GAN: variants seen among roughly 807,000 people sequenced by gnomAD.
GAN encodes the protein epididymis secretory sperm binding protein.
GAN carries 48 observed loss-of-function variants against 71.3 expected under a neutral mutation model. The observed-to-expected ratio is 0.67, with a 90% confidence interval of 0.53 to 0.86. The LOEUF (loss-of-function observed/expected upper bound fraction) is 0.86. GAN is among the 40% of genes least tolerant of loss of function. The probability of loss-of-function intolerance (pLI) is 0.00; values close to 1 mark genes in which losing one functional copy is unlikely to be tolerated. For missense variants in GAN, 928 were observed against 770.1 expected, an observed-to-expected ratio of 1.21 and a Z score of -2.43; for synonymous variants, 386 against 276.8, an observed-to-expected ratio of 1.39 and a Z score of -3.92.
chr16:81,363,525 T>G (rs1316399759), intron 6 of GAN, among the ~76,000 whole-genome samples: 1 of 152,198 alleles, frequency 6.6e-6, no homozygotes, highest in African/African-American at 2.4e-5. Context: ...TATTTTAGAC[T>G]CGGGGATACA....
At chr16:81,320,653 T>C (rs1470789898) in intron 1 of GAN, among the ~76,000 whole-genome samples, 1 of 152,260 alleles carries the variant, frequency 6.6e-6, no homozygotes, top group East Asian at 1.9e-4. Context: ...GTGAAGTTTC[T>C]TAGTGCTCAG....
intron 9 of GAN, among the ~76,000 whole-genome samples, chr16:81,369,772 C>T (rs1031315602): frequency 2.6e-5 from 4 of 151,518 alleles, no homozygotes; most frequent in African/African-American, 9.7e-5. Context: ...TTAGTAGAGG[C>T]AGGGTTTCAC....
intron 1 of GAN, among the ~76,000 whole-genome samples, chr16:81,332,331 T>C (rs574620650): frequency 3.9e-5 from 6 of 152,296 alleles, no homozygotes; most frequent in African/African-American, 1.2e-4. Context: ...TTTCAGCAAC[T>C]GGGCTTGTGG....
At chr16:81,372,622 A>G (rs1911072314) in intron 9 of GAN, among the ~76,000 whole-genome samples, 1 of 152,190 alleles carries the variant, frequency 6.6e-6, no homozygotes, top group Admixed American at 6.5e-5. Context: ...TGAATCATTG[A>G]TGTGCTTGGG....
chr16:81,333,544 A>G (rs1035573), intron 1 of GAN, among the ~76,000 whole-genome samples: 121,239 of 152,170 alleles, frequency 0.8, 48,596 homozygotes, highest in East Asian at 0.94. Flanking sequence ...ATGTAACACA[A>G]TGGGTACTTT....
Position 81,380,582 on chromosome 16 carries a change from A to G in GAN, c.*2986A>G, listed in dbSNP as rs566880871. On this transcript the variant is annotated 3_prime_UTR_variant, in exon 11 of 11. Coordinates refer to ENST00000648994, the MANE Select transcript of GAN (RefSeq NM_022041.4). The stretch of plus-strand genomic sequence containing the variant: ...TGAGTGAGTTGTACGTGTGTGTGTG[A>G]TGCTATTTGACCTGATAAATGTATT... 5.9e-5 allele frequency: 9 copies of G among 152,296 alleles called. No homozygotes were observed. The East Asian group carries it at 9.6e-4, about 16-fold the overall frequency. The allele number at this position is 152,296 out of a possible 1,614,324, so 9.4% of individuals were successfully genotyped here. A position where few individuals can be genotyped will look rare whatever the true frequency, so the allele number is the denominator to read the frequency against.
At chr16:81,352,023 C>T (rs1351009846) in intron 2 of GAN, among the ~76,000 whole-genome samples, 1 of 152,132 alleles carries the variant, frequency 6.6e-6, no homozygotes, top group Non-Finnish European at 1.5e-5. Flanking sequence ...TTTGGAATCC[C>T]GATTCCAGTC....
intron 1 of GAN, among the ~76,000 whole-genome samples, chr16:81,331,141 G>T (rs1397687500): frequency 6.6e-6 from 1 of 152,196 alleles, no homozygotes; most frequent in Admixed American, 6.5e-5. Context: ...GAAGTTTGAG[G>T]CTGCAGTGAT....
chr16:81,315,435 G>T (rs1022186141), intron 1 of GAN, among the ~76,000 whole-genome samples, 155 bp downstream of exon 1: 1 of 151,722 alleles, frequency 6.6e-6, no homozygotes, highest in Non-Finnish European at 1.5e-5. Flanking sequence ...GGCAAGCGCC[G>T]GAACCCGGCC....
In GAN at chr16:81,389,156, T is replaced by A. The variant is rs1904490718; in HGVS notation, c.*11560T>A. ...AATAAAAATTGTGTGTTGGGAAATG[T>A]ATCAAGTGACCTTCAGTTAAGAAAA... On this transcript the variant is annotated 3_prime_UTR_variant, in exon 11 of 11. Transcript: ENST00000648994. 1 of 152,220 alleles carries A rather than the reference T, an allele frequency of 6.6e-6. No homozygotes were observed. Among genetic ancestry groups the A allele is most frequent in the South Asian group, 2.1e-4 (1 of 4,830 alleles). The allele number at this position is 152,220 out of a possible 1,614,324, so 9.4% of individuals were successfully genotyped here.
intron 9 of GAN, among the ~76,000 whole-genome samples, chr16:81,366,907 A>G (rs1241656701): frequency 6.6e-6 from 1 of 151,836 alleles, no homozygotes; most frequent in South Asian, 2.1e-4. Flanking sequence ...TTACTGCACC[A>G]TCTGCCTCCC....
intron 5 of GAN, among the ~76,000 whole-genome samples, chr16:81,359,462 C>T (rs868454762): frequency 8.8e-6 from 1 of 114,156 alleles, no homozygotes; most frequent in Non-Finnish European, 2.0e-5. Context: ...TTTTGTCATT[C>T]AATTTTTCTT....
intron 7 of GAN, 90 bp from the exon 8 acceptor site, chr16:81,364,884 C>G: frequency 7.7e-7 from 1 of 1,301,204 alleles, no homozygotes; most frequent in Non-Finnish European, 1.1e-6. Context: ...TCCTAAATCT[C>G]TTTAAGTATG....
Position 81,382,387 on chromosome 16 carries a change from T to A in GAN, c.*4791T>A, listed in dbSNP as rs765539453. ...AGTTGCACAGGCATAAGCTGAAAGA[T>A]CTTTGATTTTCTTTGTTAGTTAGCT... is the stretch of plus-strand genomic sequence containing the variant. On this transcript the variant is annotated 3_prime_UTR_variant, in exon 11 of 11. Coordinates refer to ENST00000648994, the MANE Select transcript of GAN (RefSeq NM_022041.4). 1.3e-5 allele frequency: 2 copies of A among 152,214 alleles called. No individual in the cohort carries two copies. Among genetic ancestry groups the A allele is most frequent in the African/African-American group, 2.4e-5 (1 of 41,456 alleles). 9.4% of individuals were successfully genotyped at this position (152,214 alleles called of 1,614,324 possible).
At chr16:81,332,402 C>G (rs1423209352) in intron 1 of GAN, among the ~76,000 whole-genome samples, 1 of 152,174 alleles carries the variant, frequency 6.6e-6, no homozygotes, top group Non-Finnish European at 1.5e-5. Flanking sequence ...TGGTCCTTGA[C>G]TCATATTTAA....
chr16:81,326,867 A>G (rs976332907), intron 1 of GAN, among the ~76,000 whole-genome samples: 53 of 152,362 alleles, frequency 3.5e-4, no homozygotes, highest in African/African-American at 1.2e-3. Flanking sequence ...TATACTGTCC[A>G]TCACGGACTG....
At chr16:81,317,936 G>A (rs560620278) in intron 1 of GAN, among the ~76,000 whole-genome samples, 2 of 152,110 alleles carry the variant, frequency 1.3e-5, no homozygotes, top group South Asian at 4.1e-4. Context: ...CAGATGAATT[G>A]CTTTAAGTTT....
intron 1 of GAN, among the ~76,000 whole-genome samples, chr16:81,336,932 T>A (rs975870116): frequency 6.6e-6 from 1 of 152,058 alleles, no homozygotes; most frequent in Non-Finnish European, 1.5e-5. Context: ...TGAACCTACA[T>A]TGGCACATCA....
intron 4 of GAN, 130 bp downstream of exon 4, chr16:81,357,132 T>C: frequency 1.4e-6 from 1 of 726,908 alleles, no homozygotes. Context: ...ATACTTTAAG[T>C]TTTAGGGTAC....
Sources: allele counts gnomAD v4.1 joint callset (sites outside exome capture counted in the v4.1 genomes callset), GRCh38; gene constraint gnomAD v4.1.1; transcripts MANE v1.5; gene names NCBI Gene and HGNC (gene_info 2026-07-23, HGNC 2026-07-21).